Variants in RELN observed in about 807,000 individuals in gnomAD.
The protein encoded by RELN is reelin.
Under a neutral mutation model 427.6 loss-of-function variants are expected in RELN, and 108 were observed. The ratio of observed to expected loss-of-function variants is 0.25; its 90% CI spans 0.22 to 0.30. The LOEUF (loss-of-function observed/expected upper bound fraction) is 0.30, where lower values mean the gene tolerates loss of function less well. RELN is among the 10% of genes least tolerant of loss of function. The pLI is 1.00. For missense variants in RELN, 3,715 were observed against 4,302.8 expected (o/e 0.86, Z 3.82); for synonymous variants, 1,524 against 1,513.4 (o/e 1.01, Z -0.16).
intron 61 of RELN, chr7:103,484,336 C>T (rs573016461): frequency 4.8e-5 from 9 of 185,718 alleles, no homozygotes; most frequent in South Asian, 2.2e-4. Flanking sequence ...AGCAGGGGAG[C>T]GTAGCTACTT....
chr7:103,929,291 T>G (rs1795810439), intron 1 of RELN, among the ~76,000 whole-genome samples: 1 of 152,204 alleles, frequency 6.6e-6, no homozygotes, highest in Non-Finnish European at 1.5e-5. Context: ...GCCATCTCAT[T>G]ACCTCTTTAA....
chr7:103,729,095 A>C (rs1248334118), intron 6 of RELN, among the ~76,000 whole-genome samples: 1 of 152,174 alleles, frequency 6.6e-6, no homozygotes, highest in Non-Finnish European at 1.5e-5. Context: ...TGACATTTCA[A>C]CCTACAATCA....
At chr7:103,856,703 C>G (rs1488483924) in intron 2 of RELN, among the ~76,000 whole-genome samples, 2 of 151,934 alleles carry the variant, frequency 1.3e-5, no homozygotes, top group African/African-American at 2.4e-5. Context: ...TTAAGCATGT[C>G]TGTGCCTTTA....
intron 1 of RELN, among the ~76,000 whole-genome samples, chr7:103,966,824 A>G (rs73405656): frequency 0.011 from 1,622 of 152,340 alleles, 33 homozygotes; most frequent in African/African-American, 0.037. Context: ...AAGGAAAATT[A>G]TACACTGAAT....
chr7:103,550,847 G>T (rs1053905254), intron 41 of RELN, among the ~76,000 whole-genome samples: 1 of 152,092 alleles, frequency 6.6e-6, no homozygotes, highest in Non-Finnish European at 1.5e-5. Flanking sequence ...CCACTACAGG[G>T]TGCAGCCCAT....
At chr7:103,610,117 T>C (rs1380560396) in intron 22 of RELN, among the ~76,000 whole-genome samples, 3 of 152,202 alleles carry the variant, frequency 2.0e-5, no homozygotes, top group African/African-American at 7.2e-5. Flanking sequence ...TCTTTTTGAG[T>C]GATCAATCTA....
At chr7:103,556,722 G>A (rs959510681) in intron 38 of RELN, among the ~76,000 whole-genome samples, 20 of 152,058 alleles carry the variant, frequency 1.3e-4, no homozygotes, top group East Asian at 3.9e-4. Flanking sequence ...TTTGCCTCCC[G>A]CCACGATTCT....
In RELN at chr7:103,589,898, A is replaced by G; in HGVS notation, c.3913-70T>C. On this transcript the variant is annotated intron_variant, in intron 27 of 64. Coordinates refer to ENST00000428762, the MANE Select transcript of RELN (RefSeq NM_005045.4). ...GTCATCACTCAACAAATTAGATGCT[A>G]CAGCATCCAGGGTGCCTTCCAATGG... 3 of 930,360 alleles carry G rather than the reference A, an allele frequency of 3.2e-6. No homozygotes were observed. The South Asian group carries it at 4.0e-5, about 12-fold the overall frequency. The allele number at this position is 930,360 out of a possible 1,614,324, so 57.6% of individuals were successfully genotyped here. A position where few individuals can be genotyped will look rare whatever the true frequency, so the allele number is the denominator to read the frequency against.
intron 63 of RELN, among the ~76,000 whole-genome samples, chr7:103,481,300 T>C (rs1446934042): frequency 6.6e-6 from 1 of 152,136 alleles, no homozygotes; most frequent in Non-Finnish European, 1.5e-5. Flanking sequence ...TGTTAAGAAT[T>C]ATTGTGTTTA....
At chr7:103,804,625 C>T (rs549999494) in intron 3 of RELN, among the ~76,000 whole-genome samples, 2 of 152,222 alleles carry the variant, frequency 1.3e-5, no homozygotes, top group East Asian at 1.9e-4. Context: ...TGGGTATCCA[C>T]AAATTATTTA....
At chr7:103,804,322 G>A (rs1341138748) in intron 3 of RELN, among the ~76,000 whole-genome samples, 2 of 152,068 alleles carry the variant, frequency 1.3e-5, no homozygotes, top group Non-Finnish European at 2.9e-5. Context: ...AATCCCAAAT[G>A]TTGTCTGAAG....
intron 31 of RELN, among the ~76,000 whole-genome samples, chr7:103,570,844 T>C (rs537120456): frequency 6.6e-6 from 1 of 152,134 alleles, no homozygotes; most frequent in Non-Finnish European, 1.5e-5. Flanking sequence ...TTTATTATTA[T>C]TAGAGGTTTA....
chr7:103,545,650 T>TA (rs1456764821), intron 41 of RELN, among the ~76,000 whole-genome samples: 5 of 150,984 alleles, frequency 3.3e-5, no homozygotes, highest in African/African-American at 1.2e-4. Context: ...TTTGTTTTAT[T>TA]TTTTTTTTTG....
chr7:103,746,699 C>G (rs1790841938), intron 6 of RELN, among the ~76,000 whole-genome samples: 1 of 151,870 alleles, frequency 6.6e-6, no homozygotes, highest in South Asian at 2.1e-4. Context: ...AAATGCAAAT[C>G]AAAACCACAA....
At chr7:103,829,252 T>C (rs1015298215) in intron 3 of RELN, among the ~76,000 whole-genome samples, 3 of 151,892 alleles carry the variant, frequency 2.0e-5, no homozygotes, top group Admixed American at 2.0e-4. Flanking sequence ...TGCTAATTTT[T>C]AGGGTTAGAC....
intron 11 of RELN, 43 bp downstream of exon 11, chr7:103,682,073 T>G: frequency 2.4e-5 from 38 of 1,586,982 alleles, no homozygotes; most frequent in Non-Finnish European, 3.3e-5. Flanking sequence ...GTAGAATAAA[T>G]GTAAGTGCTA....
At chr7:103,918,784 AAAG>A (rs1362789300) in intron 1 of RELN, among the ~76,000 whole-genome samples, 1 of 152,172 alleles carries the variant, frequency 6.6e-6, no homozygotes, top group African/African-American at 2.4e-5. Flanking sequence ...ACATGGAAAA[AAAG>A]AAGACAGAGA....
chr7:103,770,584 G>A (rs755297849), intron 4 of RELN, among the ~76,000 whole-genome samples: 26 of 152,118 alleles, frequency 1.7e-4, no homozygotes, highest in Non-Finnish European at 3.4e-4. Context: ...CTCTGATTTG[G>A]AGAGAGGGAG....
intron 3 of RELN, among the ~76,000 whole-genome samples, chr7:103,787,085 C>T (rs113150364): frequency 2.0e-5 from 3 of 152,100 alleles, no homozygotes; most frequent in Admixed American, 1.3e-4. Flanking sequence ...GAAAAACCTG[C>T]TCCTGAATGA....
Sources: allele counts gnomAD v4.1 joint callset (sites outside exome capture counted in the v4.1 genomes callset), GRCh38; gene constraint gnomAD v4.1.1; transcripts MANE v1.5; gene names NCBI Gene and HGNC (gene_info 2026-07-23, HGNC 2026-07-21).